Variants in PTPRG observed in about 807,000 individuals in gnomAD.
PTPRG encodes the protein receptor-type tyrosine-protein phosphatase gamma.
A neutral mutation model predicts 165.3 loss-of-function variants in PTPRG; 102 were observed. The observed-to-expected ratio is 0.62, with a 90% CI of 0.53 to 0.73. The LOEUF is 0.73. PTPRG is among the 30% of genes least tolerant of loss of function. The pLI, the probability that PTPRG is intolerant of heterozygous loss-of-function variation, is 0.00. For missense variants in PTPRG, 1,866 were observed against 1,861.4 expected, an observed-to-expected ratio of 1.00 and a Z score of -0.05; for synonymous variants, 675 against 669.5, an observed-to-expected ratio of 1.01 and a Z score of -0.13.
intron 2 of PTPRG, among the ~76,000 whole-genome samples, chr3:61,909,893 T>C (rs1386075857): frequency 6.6e-6 from 1 of 152,206 alleles, no homozygotes; most frequent in African/African-American, 2.4e-5. Flanking sequence ...TTAAACACTT[T>C]TTTAAAATTT....
intron 1 of PTPRG, among the ~76,000 whole-genome samples, chr3:61,602,911 G>A (rs1559519988): frequency 6.6e-6 from 1 of 152,140 alleles, no homozygotes; most frequent in African/African-American, 2.4e-5. Context: ...AATATCTCAA[G>A]CTCAACACTT....
At chr3:61,643,469 TTTGTG>T (rs1327196886) in intron 1 of PTPRG, among the ~76,000 whole-genome samples, 2 of 152,204 alleles carry the variant, frequency 1.3e-5, no homozygotes, top group Non-Finnish European at 1.5e-5. Flanking sequence ...CAATAATAAC[TTTGTG>T]TTTTTATTTT....
At chr3:62,216,975 T>C (rs1700527764) in intron 12 of PTPRG, among the ~76,000 whole-genome samples, 1 of 152,174 alleles carries the variant, frequency 6.6e-6, no homozygotes, top group Admixed American at 6.5e-5. Flanking sequence ...TATTCCCCTA[T>C]GGCCCCCTGT....
intron 12 of PTPRG, among the ~76,000 whole-genome samples, chr3:62,206,269 T>G (rs1488304696): frequency 2.6e-5 from 4 of 152,080 alleles, no homozygotes; most frequent in Non-Finnish European, 5.9e-5. Context: ...CTTTGGGGGC[T>G]CCCTACTCCA....
At chr3:62,106,313 T>C (rs1394922133) in intron 5 of PTPRG, among the ~76,000 whole-genome samples, 7 of 152,138 alleles carry the variant, frequency 4.6e-5, no homozygotes, top group Admixed American at 4.6e-4. Flanking sequence ...ACCTTTGTGG[T>C]ACATCTCAGC....
At chr3:61,710,269 A>G (rs941364886) in intron 1 of PTPRG, among the ~76,000 whole-genome samples, 4 of 152,206 alleles carry the variant, frequency 2.6e-5, no homozygotes, top group African/African-American at 9.7e-5. Flanking sequence ...ATGTGGTTAG[A>G]TCTATATTTA....
intron 4 of PTPRG, among the ~76,000 whole-genome samples, chr3:62,051,928 G>A (rs1236800260): frequency 1.3e-5 from 2 of 152,146 alleles, no homozygotes; most frequent in African/African-American, 4.8e-5. Flanking sequence ...CCTATTGTAA[G>A]TAAATCTGTG....
chr3:61,599,274 C>T (rs1472871086), intron 1 of PTPRG, among the ~76,000 whole-genome samples: 1 of 152,098 alleles, frequency 6.6e-6, no homozygotes, highest in African/African-American at 2.4e-5. Context: ...CTCAGTTTCC[C>T]AAGTAGCTGG....
At chr3:61,729,514 A>G (rs2032405035) in intron 1 of PTPRG, among the ~76,000 whole-genome samples, 1 of 152,216 alleles carries the variant, frequency 6.6e-6, no homozygotes, top group Non-Finnish European at 1.5e-5. Context: ...GACCATAGCA[A>G]TCATTTTCCC....
At chr3:62,076,494 T>TG (rs367995725) in intron 4 of PTPRG, among the ~76,000 whole-genome samples, 21 of 151,732 alleles carry the variant, frequency 1.4e-4, no homozygotes, top group African/African-American at 4.8e-4. Flanking sequence ...GTCTGGTTTT[T>TG]TTTGTTTGTT....
At chr3:62,085,499 C>T (rs778519728) in intron 5 of PTPRG, among the ~76,000 whole-genome samples, 6 of 152,140 alleles carry the variant, frequency 3.9e-5, no homozygotes, top group Non-Finnish European at 7.3e-5. Context: ...CAATAAAATG[C>T]GTTTATCTCA....
intron 1 of PTPRG, among the ~76,000 whole-genome samples, chr3:61,615,155 C>A (rs1417721150): frequency 6.6e-6 from 1 of 152,248 alleles, no homozygotes; most frequent in Non-Finnish European, 1.5e-5. Context: ...ACAATACATC[C>A]ATCAGTATTG....
chr3:62,216,503 G>A (rs1274993419), intron 12 of PTPRG, among the ~76,000 whole-genome samples: 2 of 152,116 alleles, frequency 1.3e-5, no homozygotes, highest in South Asian at 4.2e-4. Flanking sequence ...TCCCAACATT[G>A]TTTTCCATTA....
chr3:62,161,561 T>G (rs1704761823), intron 7 of PTPRG, among the ~76,000 whole-genome samples: 2 of 152,206 alleles, frequency 1.3e-5, no homozygotes, highest in Admixed American at 1.3e-4. Context: ...TGACGTGCAG[T>G]GCATGTGAAT....
intron 1 of PTPRG, among the ~76,000 whole-genome samples, chr3:61,747,197 T>G (rs550836876): frequency 2.6e-5 from 4 of 152,314 alleles, no homozygotes; most frequent in African/African-American, 9.6e-5. Context: ...ACTTGCGTTA[T>G]CTTTGTAACA....
At chr3:61,753,496 G>A (rs2033522866) in intron 2 of PTPRG, 1 of 376,498 alleles carries the variant, frequency 2.7e-6, no homozygotes, top group Admixed American at 3.3e-5. Flanking sequence ...TGCACAAAGA[G>A]TAACACATGC....
chr3:61,742,315 C>G (rs890848074), intron 1 of PTPRG: 1 of 585,238 alleles, frequency 1.7e-6, no homozygotes, highest in Non-Finnish European at 2.9e-6. Flanking sequence ...TTAAATGAGG[C>G]ACGTAGGAAA....
At chr3:61,765,331 G>T (rs979299530) in intron 2 of PTPRG, among the ~76,000 whole-genome samples, 2 of 152,228 alleles carry the variant, frequency 1.3e-5, no homozygotes, top group East Asian at 3.9e-4. Flanking sequence ...ATGTCACATG[G>T]AGGTGATGAA....
intron 2 of PTPRG, among the ~76,000 whole-genome samples, chr3:61,971,637 A>C (rs987542126): frequency 1.3e-5 from 2 of 152,236 alleles, no homozygotes; most frequent in Non-Finnish European, 2.9e-5. Flanking sequence ...TACATTTTAT[A>C]ACAAGAGAGG....
Sources: allele counts gnomAD v4.1 joint callset (sites outside exome capture counted in the v4.1 genomes callset), GRCh38; gene constraint gnomAD v4.1.1; transcripts MANE v1.5; gene names NCBI Gene and HGNC (gene_info 2026-07-23, HGNC 2026-07-21).